The following BRIP1 variants were observed in gnomAD, a reference collection of about 807,000 sequenced individuals.
BRIP1 encodes the protein Fanconi anemia group J protein.
A neutral mutation model predicts 119.7 loss-of-function variants in BRIP1; 88 were observed. The observed-to-expected ratio is 0.74, with a 90% CI of 0.62 to 0.88. BRIP1 has a LOEUF of 0.88. Among genes scored for constraint, BRIP1 ranks in the 40% least tolerant of loss-of-function variants. The pLI, the probability that BRIP1 is intolerant of heterozygous loss-of-function variation, is 0.00. For synonymous variants in BRIP1, 443 were observed against 496.5 expected (o/e 0.89, Z 1.43); for missense variants, 1,259 against 1,455.4 (o/e 0.87, Z 2.20).
At position 61,683,445 on chromosome 17, in the gene BRIP1, T is replaced by C. The variant is rs1396175226; in HGVS notation, c.3601A>G (p.Ile1201Val). ...ATGTCATCAATTTTACTTTCTTCAA[T>C]ATGCAGAATTCCATTCAACTTTGTA... ...IDTKLNGILH[I>V]EESKIDDIDG... The change falls in exon 20 of 20, where the codon ATT (isoleucine) becomes GTT (valine). Residue 1201 changes from isoleucine to valine, a missense_variant. Around this residue, in one of 3 missense-constraint regions of BRIP1, gnomAD observed 753 missense variants for 891.8 expected, o/e 0.84. Transcript: ENST00000259008. The surrounding 1 kb of genome is among the most constrained non-coding windows in gnomAD (Gnocchi z 4.7). 1 of 1,613,444 alleles carries C rather than the reference T, an allele frequency of 6.2e-7. No homozygotes were observed. The highest frequency in any genetic ancestry group is 2.2e-5 in the East Asian group (1 of 44,834).
chr17:61,767,034 C>T lies in BRIP1; in HGVS notation c.2097+9367G>A, dbSNP rs1039983951. Among the ~76,000 whole-genome samples, 1 of 152,074 alleles carries T rather than the reference C, an allele frequency of 6.6e-6. No homozygotes were observed. The highest frequency in any genetic ancestry group is 2.4e-5 in the African/African-American group (1 of 41,404). On this transcript the variant is annotated intron_variant, in intron 14 of 19. Transcript: ENST00000259008. The surrounding 1 kb of genome is among the most constrained non-coding windows in gnomAD (Gnocchi z 5.7). ...TCTTAGTGGAAGAATGGCATTCCTC[C>T]TAGTTACCATAAACTATTGGTCTGA... is the stretch of plus-strand genomic sequence containing the variant.
chr17:61,797,836 T>C (rs929037151), intron 9 of BRIP1, among the ~76,000 whole-genome samples: 21 of 152,026 alleles, frequency 1.4e-4, no homozygotes, highest in African/African-American at 4.8e-4. Context: ...CTTAATTTCA[T>C]GCATATTAAG....
chr17:61,766,978 TTAAA>T (rs1223821118), intron 14 of BRIP1, among the ~76,000 whole-genome samples: 2 of 152,156 alleles, frequency 1.3e-5, no homozygotes, highest in African/African-American at 4.8e-5. Flanking sequence ...CTGCTACTAC[TTAAA>T]TAACAACAGA....
At position 61,857,353 on chromosome 17, in the gene BRIP1, C is replaced by A. The variant is rs113565421; in HGVS notation, c.206-122G>T. 62 of 856,378 alleles carry A rather than the reference C, an allele frequency of 7.2e-5. No homozygotes were observed. The African/African-American group carries it at 7.7e-4, about 11-fold the overall frequency. The allele number at this position is 856,378 out of a possible 1,614,324, so 53.0% of individuals were successfully genotyped here. ...AGATAAAAGATTTTTAGGGCTAACA[C>A]CAGGAAGGTACCTGGCAAACCTGGA... On this transcript the variant is annotated intron_variant, in intron 3 of 19. Transcript: ENST00000259008. This position sits in a 1 kb window ranked among gnomAD's most constrained non-coding sequence, Gnocchi z 5.1.
In BRIP1 at chr17:61,690,640, G is replaced by A. The variant is rs2061433968; in HGVS notation, c.2575+2790C>T. On this transcript the variant is annotated intron_variant, in intron 18 of 19. Transcript: ENST00000259008. This position sits in a 1 kb window ranked among gnomAD's most constrained non-coding sequence, Gnocchi z 5.6. ...CTTTTAAGACCAGCAACAAAGCAAG[G>A]ATGTTCATTCTCACTACTTCTATTT... 1.3e-5 allele frequency among the ~76,000 whole-genome samples: 2 copies of A among 152,092 alleles called. No homozygotes were observed. Among genetic ancestry groups the A allele is most frequent in the Non-Finnish European group, 2.9e-5 (2 of 68,006 alleles).
chr17:61,777,164 CAATATT>C (rs1480326254), intron 13 of BRIP1, among the ~76,000 whole-genome samples: 3 of 152,100 alleles, frequency 2.0e-5, no homozygotes, highest in African/African-American at 4.8e-5. Context: ...AAGATATTCA[CAATATT>C]AATATTATCT....
Position 61,713,678 on chromosome 17 carries a change from C to T in BRIP1, c.2492+2273G>A, listed in dbSNP as rs937464067. Among the ~76,000 whole-genome samples, 6 of 151,890 alleles carry T rather than the reference C, an allele frequency of 4.0e-5. No individual in the cohort carries two copies. The highest frequency in any genetic ancestry group is 1.5e-4 in the African/African-American group (6 of 41,340). ...CTGGGATTATAGGCACCTGCCACCA[C>T]ATCCAGCTAATTTTTGTAGTTTTAG... On this transcript the variant is annotated intron_variant, in intron 17 of 19. Transcript: ENST00000259008. The surrounding 1 kb of genome is among the most constrained non-coding windows in gnomAD (Gnocchi z 4.9).
Position 61,680,731 on chromosome 17 carries a change from G to A in BRIP1, c.*2565C>T, listed in dbSNP as rs898006780. Among the ~76,000 whole-genome samples the A allele has an allele frequency of 2.6e-5, 4 of 152,000 alleles. No individual in the cohort carries two copies. Among genetic ancestry groups the A allele is most frequent in the Admixed American group, 6.5e-5 (1 of 15,274 alleles). On this transcript the variant is annotated 3_prime_UTR_variant, in exon 20 of 20. Coordinates refer to ENST00000259008, the MANE Select transcript of BRIP1 (RefSeq NM_032043.3). The stretch of plus-strand genomic sequence containing the variant: ...CCTGACCTCGTGATCCGCCCGCCTC[G>A]GCCTCCCAAAGTGCTGGGATTACAG...
Position 61,775,296 on chromosome 17 carries a change from AAT to A in BRIP1, c.2097+1103_2097+1104del, listed in dbSNP as rs1430463653. Among the ~76,000 whole-genome samples the A allele has an allele frequency of 5.3e-5, 8 of 152,206 alleles. No homozygotes were observed. Among genetic ancestry groups the A allele is most frequent in the African/African-American group, 1.9e-4 (8 of 41,464 alleles). On this transcript the variant is annotated intron_variant, in intron 14 of 19. Transcript: ENST00000259008. This position sits in a 1 kb window ranked among gnomAD's most constrained non-coding sequence, Gnocchi z 4.4. ...ATTCTTGTAAAAAATTATCTGATTAAATATGTTTTTGAAAACAAATCCTTTAA... is the reference window on the plus strand; with the variant it reads ...ATTCTTGTAAAAAATTATCTGATTAAATGTTTTTGAAAACAAATCCTTTAA...
At chr17:61,847,412 C>G (rs1198426561) in intron 5 of BRIP1, among the ~76,000 whole-genome samples, 192 bp from the exon 6 acceptor site, 1 of 152,064 alleles carries the variant, frequency 6.6e-6, no homozygotes, top group Non-Finnish European at 1.5e-5. Flanking sequence ...GGAAATAGAA[C>G]ATAGTAGTGA....
At position 61,683,654 on chromosome 17, in the gene BRIP1, T is replaced by G; in HGVS notation, c.3392A>C (p.Tyr1131Ser). 6.2e-7 allele frequency: 1 copy of G among 1,613,188 alleles called. No individual in the cohort carries two copies. The highest frequency in any genetic ancestry group is 8.5e-7 in the Non-Finnish European group (1 of 1,179,982). Reference sequence around the variant, plus strand: ...AGGATCATAAAGTTCAGGTGTAAAATAGATAGATTCATCTTCTGCTTCTGT... The same window carrying G: ...AGGATCATAAAGTTCAGGTGTAAAAGAGATAGATTCATCTTCTGCTTCTGT... ...FETEAEDESI[Y>S]FTPELYDPED... The change falls in exon 20 of 20, where the codon TAT becomes TCT. Residue 1131 changes from tyrosine to serine, a missense_variant. Tyr to Ser is a moderately radical substitution (Grantham distance 144). Transcript: ENST00000259008. The surrounding 1 kb of genome is among the most constrained non-coding windows in gnomAD (Gnocchi z 4.7).
At chr17:61,812,437 C>T (rs926834213) in intron 6 of BRIP1, among the ~76,000 whole-genome samples, 14 of 152,088 alleles carry the variant, frequency 9.2e-5, no homozygotes, top group African/African-American at 3.1e-4. Flanking sequence ...AGACATGGGG[C>T]TTTCCAAAAT....
Position 61,784,350 on chromosome 17 carries a change from T to A in BRIP1, c.1548A>T (p.Val516=). 6.2e-7 allele frequency: 1 copy of A among 1,613,226 alleles called. No individual in the cohort carries two copies. Among genetic ancestry groups the A allele is most frequent in the Non-Finnish European group, 8.5e-7 (1 of 1,179,266 alleles). ...PIYGKEEARE[V]PVISASTQIM... ...TTTGAGTTGATGCACTAATAACAGG[T>A]ACTTCTCTTGCCTCCTCTTTACCAT... The change falls in exon 11 of 20, where the codon GTA becomes GTT. Residue 516 remains valine (V), a synonymous_variant. Coordinates refer to ENST00000259008, the MANE Select transcript of BRIP1 (RefSeq NM_032043.3).
rs142323293 is a variant in BRIP1 at position 61,852,622 on chromosome 17, C to T, written c.380-3366G>A. Among the ~76,000 whole-genome samples the T allele has an allele frequency of 1.3e-5, 2 of 152,136 alleles. No individual in the cohort carries two copies. Among genetic ancestry groups the T allele is most frequent in the African/African-American group, 2.4e-5 (1 of 41,522 alleles). ...GCTGGCCAGTGCAGTGAGTTGAGAT[C>T]GCACCACTGCACTCTAGCCTGAGCG... On this transcript the variant is annotated intron_variant, in intron 4 of 19. Coordinates refer to ENST00000259008, the MANE Select transcript of BRIP1 (RefSeq NM_032043.3). This position sits in a 1 kb window ranked among gnomAD's most constrained non-coding sequence, Gnocchi z 4.9.
At chr17:61,772,107 G>A (rs2077457142) in intron 14 of BRIP1, among the ~76,000 whole-genome samples, 1 of 142,398 alleles carries the variant, frequency 7.0e-6, no homozygotes, top group Non-Finnish European at 1.5e-5. Flanking sequence ...GCAAAAGGTA[G>A]AAACAATCCA....
chr17:61,739,103 G>A lies in BRIP1; in HGVS notation c.2379+3910C>T, dbSNP rs1262369776. ...GTATTTTATTAAGATATTGGAAGAA[G>A]ATGTGGTCTAAAGAAGGGAAAAGGA... On this transcript the variant is annotated intron_variant, in intron 16 of 19. Coordinates refer to ENST00000259008, the MANE Select transcript of BRIP1 (RefSeq NM_032043.3). This position sits in a 1 kb window ranked among gnomAD's most constrained non-coding sequence, Gnocchi z 6.0. The A allele has an allele frequency of 1.1e-5, 2 of 176,314 alleles. No individual in the cohort carries two copies. Among genetic ancestry groups the A allele is most frequent in the African/African-American group, 2.4e-5 (1 of 42,232 alleles). The allele number at this position is 176,314 out of a possible 1,614,324, so 10.9% of individuals were successfully genotyped here. A position where few individuals can be genotyped will look rare whatever the true frequency, so the allele number is the denominator to read the frequency against.
chr17:61,778,022 T>C lies in BRIP1; in HGVS notation c.1936-1460A>G, dbSNP rs1202288414. Among the ~76,000 whole-genome samples the C allele has an allele frequency of 6.6e-6, 1 of 152,158 alleles. No individual in the cohort carries two copies. The highest frequency in any genetic ancestry group is 1.5e-5 in the Non-Finnish European group (1 of 68,028). ...GCATACAAAATGTCACTTTGGAGATTCTAAGGATTTTAGGAGTTGTATGCC... is the reference window on the plus strand; with the variant it reads ...GCATACAAAATGTCACTTTGGAGATCCTAAGGATTTTAGGAGTTGTATGCC... On this transcript the variant is annotated intron_variant, in intron 13 of 19. Transcript: ENST00000259008. The surrounding 1 kb of genome is among the most constrained non-coding windows in gnomAD (Gnocchi z 4.4).
intron 19 of BRIP1, chr17:61,685,375 A>C (rs991893765): frequency 1.3e-5 from 2 of 157,032 alleles, no homozygotes; most frequent in African/African-American, 2.4e-5. Flanking sequence ...AAATAAGTTC[A>C]TAAGAACTAT....
In BRIP1 at chr17:61,844,126, G is replaced by A. The variant is rs985836098; in HGVS notation, c.627+2975C>T. Among the ~76,000 whole-genome samples, 7 of 151,698 alleles carry A rather than the reference G, an allele frequency of 4.6e-5. No homozygotes were observed. Among genetic ancestry groups the A allele is most frequent in the South Asian group, 2.1e-4 (1 of 4,818 alleles). ...CTATTCTTTATAAAGACAGGGTCTC[G>A]TTATGTTGCCCAGGTTGGTCTTGAA... On this transcript the variant is annotated intron_variant, in intron 6 of 19. Transcript: ENST00000259008. The surrounding 1 kb of genome is among the most constrained non-coding windows in gnomAD (Gnocchi z 4.7).
Sources: gnomAD v4.1 joint callset for allele counts (sites outside exome capture counted in the v4.1 genomes callset) on GRCh38, gnomAD v4.1.1 for gene constraint, gnomAD v4.1.1 regional missense constraint, Gnocchi (gnomAD v3.1) non-coding constraint, MANE v1.5 for transcripts, NCBI Gene and HGNC (gene_info 2026-07-23, HGNC 2026-07-21) for gene names.